RUNX1T1: variants seen among roughly 807,000 people sequenced by gnomAD.
RUNX1T1 encodes the protein protein CBFA2T1.
In RUNX1T1, 4 loss-of-function variants were observed where a neutral mutation model predicts 62.8. The ratio of observed to expected loss-of-function variants is 0.06; its 90% CI spans 0.03 to 0.15. The LOEUF (loss-of-function observed/expected upper bound fraction) is 0.15. RUNX1T1 is among the 10% of genes least tolerant of loss of function. The probability of loss-of-function intolerance (pLI) is 1.00; values close to 1 mark genes in which losing one functional copy is unlikely to be tolerated. For synonymous variants in RUNX1T1, 291 were observed against 286.0 expected (o/e 1.02, Z -0.18); for missense variants, 508 against 754.3 (o/e 0.67, Z 3.82).
intron 4 of RUNX1T1, among the ~76,000 whole-genome samples, chr8:92,007,647 C>T (rs1334414846): frequency 6.6e-6 from 1 of 152,024 alleles, no homozygotes; most frequent in East Asian, 1.9e-4. Flanking sequence ...TAAACATGTA[C>T]AGCATGTACT....
upstream of RUNX1T1, among the ~76,000 whole-genome samples, chr8:92,101,907 C>T (rs1372025236): frequency 1.3e-5 from 2 of 152,178 alleles, no homozygotes; most frequent in African/African-American, 4.8e-5. Context: ...GGGCGGTGAG[C>T]GGCGGGCCCT....
upstream of RUNX1T1, among the ~76,000 whole-genome samples, chr8:92,102,093 A>T (rs1020394373): frequency 1.3e-5 from 2 of 152,200 alleles, no homozygotes; most frequent in African/African-American, 4.8e-5. The surrounding 1 kb of genome is among the most constrained non-coding windows in gnomAD (Gnocchi z 4.5). Flanking sequence ...GGGAACACCC[A>T]GGAGGGCCGG....
chr8:92,082,371 T>C (rs1309248303), intron 1 of RUNX1T1, among the ~76,000 whole-genome samples: 1 of 152,180 alleles, frequency 6.6e-6, no homozygotes, highest in Non-Finnish European at 1.5e-5. Flanking sequence ...TCTGGAATAG[T>C]GAAGTCTTGA....
chr8:92,081,536 GTT>G (rs200036855), intron 1 of RUNX1T1, among the ~76,000 whole-genome samples: 2 of 134,700 alleles, frequency 1.5e-5, no homozygotes, highest in Admixed American at 7.5e-5. Context: ...ATGTTTGGTA[GTT>G]TTTTTTTTTT....
At chr8:92,058,192 A>C (rs939500526) in intron 1 of RUNX1T1, among the ~76,000 whole-genome samples, 5 of 152,132 alleles carry the variant, frequency 3.3e-5, no homozygotes, top group Admixed American at 2.0e-4. Flanking sequence ...GGAGGGACTG[A>C]ATCATGGTTA....
chr8:91,978,499 T>C (rs1814482147), intron 8 of RUNX1T1, among the ~76,000 whole-genome samples: 1 of 152,194 alleles, frequency 6.6e-6, no homozygotes. Flanking sequence ...TCTCTCAATG[T>C]TAAAAATCCA....
intron 1 of RUNX1T1, among the ~76,000 whole-genome samples, chr8:92,047,092 G>A (rs971919239): frequency 6.6e-6 from 1 of 152,070 alleles, no homozygotes; most frequent in Non-Finnish European, 1.5e-5. Flanking sequence ...TCCTGACAAT[G>A]GCCTTCAAGA....
At chr8:92,071,881 T>C (rs1276076581) in intron 2 of RUNX1T1, among the ~76,000 whole-genome samples, 1 of 152,160 alleles carries the variant, frequency 6.6e-6, no homozygotes, top group Non-Finnish European at 1.5e-5. Context: ...CCTCTCACTC[T>C]CTCTCATTTC....
In RUNX1T1 at chr8:92,035,486, C is replaced by T. The variant is rs144098538; in HGVS notation, c.8-18123G>A. Among the ~76,000 whole-genome samples, 1,085 of 151,866 alleles carry T rather than the reference C, an allele frequency of 7.1e-3. 13 individuals carry two copies. The highest frequency in any genetic ancestry group is 0.025 in the African/African-American group (1,039 of 41,424). ...AGAAATGCATCTGCACTTGTACACT[C>T]TAAATACATAAAAAAAAATTTTAAA... On this transcript the variant is annotated intron_variant, in intron 1 of 10. Coordinates refer to ENST00000396218, the Ensembl canonical transcript of RUNX1T1.
At chr8:91,955,700 AT>A (rs923222860), downstream of RUNX1T1, 3 of 224,624 alleles carry the variant, frequency 1.3e-5, no homozygotes, top group African/African-American at 6.7e-5. Flanking sequence ...GCCATCCTTG[AT>A]TTTTTGCAAC....
At chr8:91,977,710 A>G (rs940451868) in intron 8 of RUNX1T1, among the ~76,000 whole-genome samples, 7 of 152,272 alleles carry the variant, frequency 4.6e-5, no homozygotes, top group African/African-American at 1.7e-4. Context: ...GAAGAAAGAA[A>G]AAAACGTGAC....
intron 10 of RUNX1T1, among the ~76,000 whole-genome samples, chr8:91,969,130 T>C (rs966442777): frequency 1.3e-5 from 2 of 152,148 alleles, no homozygotes; most frequent in Non-Finnish European, 2.9e-5. Context: ...GTAGTAGATA[T>C]GACTGAATAA....
At chr8:92,085,113 G>C (rs1000759957) in intron 1 of RUNX1T1, among the ~76,000 whole-genome samples, 4 of 152,296 alleles carry the variant, frequency 2.6e-5, no homozygotes, top group South Asian at 4.2e-4. Flanking sequence ...TAGATGAAAA[G>C]GGTAGCTAAA....
At chr8:92,047,886 C>T (rs569797775) in intron 1 of RUNX1T1, among the ~76,000 whole-genome samples, 21 of 152,322 alleles carry the variant, frequency 1.4e-4, no homozygotes, top group Admixed American at 8.5e-4. Context: ...CCTCCAACAT[C>T]TGCTACAGAC....
chr8:92,084,852 G>T (rs1240866485), intron 1 of RUNX1T1, among the ~76,000 whole-genome samples: 1 of 152,160 alleles, frequency 6.6e-6, no homozygotes, highest in Non-Finnish European at 1.5e-5. Flanking sequence ...GGTGTCATTT[G>T]TCTTCAACAT....
chr8:92,009,708 T>C (rs2131080856), intron 4 of RUNX1T1: 1 of 152,004 alleles, frequency 6.6e-6, no homozygotes, highest in African/African-American at 2.4e-5. Flanking sequence ...AAGGCAAAGA[T>C]TCTAGTCTCA....
chr8:92,066,258 G>C (rs946704852), upstream of RUNX1T1, among the ~76,000 whole-genome samples: 4 of 152,170 alleles, frequency 2.6e-5, no homozygotes, highest in African/African-American at 9.7e-5. Context: ...CTTCCACAAA[G>C]TGGCACACCA....
intron 1 of RUNX1T1, among the ~76,000 whole-genome samples, chr8:92,057,283 C>T (rs1049890708): frequency 6.6e-6 from 1 of 152,162 alleles, no homozygotes; most frequent in Non-Finnish European, 1.5e-5. Context: ...ATCCTGCCAT[C>T]AAGCCACAAC....
At chr8:91,956,452 T>C, downstream of RUNX1T1, 1 of 228,204 alleles carries the variant, frequency 4.4e-6, no homozygotes, top group Non-Finnish European at 8.7e-6. Context: ...CTGGGGTCAC[T>C]GGTGGGCAAC....
Sources: gnomAD v4.1 joint callset for allele counts (sites outside exome capture counted in the v4.1 genomes callset) on GRCh38, gnomAD v4.1.1 for gene constraint, Gnocchi (gnomAD v3.1) non-coding constraint, MANE v1.5 for transcripts, NCBI Gene and HGNC (gene_info 2026-07-23, HGNC 2026-07-21) for gene names.